The following PTPN18 variants were observed in gnomAD, a reference collection of about 807,000 sequenced individuals.
PTPN18 encodes protein tyrosine phosphatase non-receptor type 18.
Under a neutral mutation model 65.4 loss-of-function variants are expected in PTPN18, and 65 were observed. That is an observed-to-expected ratio of 0.99 (90% CI 0.81 to 1.22). PTPN18 has a LOEUF of 1.22. Among genes scored for constraint, PTPN18 ranks in the 50% most tolerant of loss-of-function variants. The pLI, the probability that PTPN18 is intolerant of heterozygous loss-of-function variation, is 0.00. For missense variants in PTPN18, 616 were observed against 646.5 expected, an observed-to-expected ratio of 0.95 and a Z score of 0.51; for synonymous variants, 255 against 267.8, an observed-to-expected ratio of 0.95 and a Z score of 0.47.
At chr2:130,362,627 G>T (rs1010459754) in intron 5 of PTPN18, among the ~76,000 whole-genome samples, 3 of 151,826 alleles carry the variant, frequency 2.0e-5, no homozygotes, top group Non-Finnish European at 4.4e-5. Context: ...TCCATGCTTT[G>T]TGCTATTGTT....
Position 130,356,137 on chromosome 2 carries a change from C to G in PTPN18, c.30C>G (p.Ser10Arg). The change falls in exon 1 of 15, where the codon AGC (serine) becomes AGG (arginine). Residue 10 changes from serine (S) to arginine (R), a missense_variant. Physicochemically the swap from Ser to Arg is moderately radical, Grantham distance 110. This residue lies in a region of PTPN18 where 223 missense variants were observed against 210.0 expected (regional missense o/e 1.06). Coordinates refer to ENST00000175756, the MANE Select transcript of PTPN18 (RefSeq NM_014369.4). MSRSLDSAR[S>R]FLERLEARGG... ...GCCGCAGCCTGGACTCGGCGCGGAG[C>G]TTCCTGGAGCGGCTGGAAGCGCGGG... 7.6e-7 allele frequency: 1 copy of G among 1,310,466 alleles called. No homozygotes were observed. Among genetic ancestry groups the G allele is most frequent in the Non-Finnish European group, 9.7e-7 (1 of 1,033,220 alleles). 81.2% of individuals were successfully genotyped at this position (1,310,466 alleles called of 1,614,324 possible).
At chr2:130,361,987 G>A (rs1283910991) in intron 5 of PTPN18, among the ~76,000 whole-genome samples, 2 of 149,002 alleles carry the variant, frequency 1.3e-5, no homozygotes, top group African/African-American at 5.1e-5. Context: ...GTGGTGTATT[G>A]TAGGGACTTT....
chr2:130,358,149 G>A (rs368547989), intron 1 of PTPN18, among the ~76,000 whole-genome samples: 1 of 152,158 alleles, frequency 6.6e-6, no homozygotes, highest in East Asian at 1.9e-4. Flanking sequence ...GAATCACTGC[G>A]CTCTTCTAGG....
chr2:130,372,789 C>G, intron 13 of PTPN18, 84 bp from the exon 14 acceptor site: 1 of 1,517,946 alleles, frequency 6.6e-7, no homozygotes, highest in South Asian at 1.1e-5. Flanking sequence ...TTCGGGCCTC[C>G]GGGGAAGCGT....
chr2:130,365,872 G>T (rs963161521), intron 5 of PTPN18, among the ~76,000 whole-genome samples: 1 of 152,156 alleles, frequency 6.6e-6, no homozygotes, highest in East Asian at 1.9e-4. Flanking sequence ...AAAATTAATT[G>T]GCCATAAATA....
In PTPN18 at chr2:130,370,688, TTGTC is replaced by T. The variant is rs750239416; in HGVS notation, c.757-10_757-7del. ...TGACCACGTGTCCTGCTCAAGTGCCTTGTCTGTCTGCCCCAGATGATCCCACCTG... is the reference window on the plus strand; with the variant it reads ...TGACCACGTGTCCTGCTCAAGTGCCTTGTCTGCCCCAGATGATCCCACCTG... On this transcript the variant is annotated splice_polypyrimidine_tract_variant and intron_variant, in intron 9 of 14. Coordinates refer to ENST00000175756, the MANE Select transcript of PTPN18 (RefSeq NM_014369.4). 6 of 1,614,152 alleles carry T rather than the reference TTGTC, an allele frequency of 3.7e-6. No homozygotes were observed. In the East Asian group the frequency reaches 1.1e-4, roughly 30 times the overall value.
In PTPN18 at chr2:130,356,147, C is replaced by A. The variant is rs937894840; in HGVS notation, c.40C>A (p.Arg14=). ...SLDSARSFLE[R]LEARGGREGA... The stretch of plus-strand genomic sequence containing the variant: ...GGACTCGGCGCGGAGCTTCCTGGAG[C>A]GGCTGGAAGCGCGGGGCGGCCGGGA... The change falls in exon 1 of 15, where the codon CGG becomes AGG. Residue 14 remains arginine, a synonymous_variant. Coordinates refer to ENST00000175756, the MANE Select transcript of PTPN18 (RefSeq NM_014369.4). The A allele has an allele frequency of 9.9e-6, 13 of 1,311,500 alleles. No individual in the cohort carries two copies. The Admixed American group carries it at 3.3e-4, about 33-fold the overall frequency. 81.2% of individuals were successfully genotyped at this position (1,311,500 alleles called of 1,614,324 possible).
chr2:130,356,522 G>A, intron 1 of PTPN18: 1 of 512,330 alleles, frequency 2.0e-6, no homozygotes, highest in Non-Finnish European at 3.9e-6. Flanking sequence ...CGCCGCAGGG[G>A]AGGGCGGGCG....
At chr2:130,356,450 T>C in intron 1 of PTPN18, 1 of 499,996 alleles carries the variant, frequency 2.0e-6, no homozygotes, top group South Asian at 1.9e-5. Flanking sequence ...CACACCCTCG[T>C]TCCCGGTGTC....
Position 130,373,065 on chromosome 2 carries a change from A to T in PTPN18, c.1316-92A>T. 1 of 1,539,608 alleles carries T rather than the reference A, an allele frequency of 6.5e-7. No homozygotes were observed. The highest frequency in any genetic ancestry group is 8.9e-7 in the Non-Finnish European group (1 of 1,124,036). On this transcript the variant is annotated intron_variant, in intron 14 of 14. Transcript: ENST00000175756. This position sits in a 1 kb window ranked among gnomAD's most constrained non-coding sequence, Gnocchi z 4.1. ...GATGTGGCTGCAGTGAACCAGGAGG[A>T]CCTGGAGGCGGGGGGATGGCCTTCT...
At chr2:130,356,667 G>A (rs181457770) in intron 1 of PTPN18, 224 of 464,230 alleles carry the variant, frequency 4.8e-4, no homozygotes, top group African/African-American at 4.2e-3. Flanking sequence ...TGTGAACGCC[G>A]GGCTCGAATC....
In PTPN18 at chr2:130,359,124, G is replaced by A. The variant is rs960686194; in HGVS notation, c.203-109G>A. The A allele has an allele frequency of 3.3e-6, 5 of 1,494,266 alleles. No homozygotes were observed. The African/African-American group carries it at 5.5e-5, about 17-fold the overall frequency. The allele number at this position is 1,494,266 out of a possible 1,614,324, so 92.6% of individuals were successfully genotyped here. A position where few individuals can be genotyped will look rare whatever the true frequency, so the allele number is the denominator to read the frequency against. On this transcript the variant is annotated intron_variant, in intron 2 of 14. Transcript: ENST00000175756. ...GCAGCCCACAAGGGCACCTTGGTGG[G>A]ATCTCTGCATGTGTGTGGTCCCCTG...
At chr2:130,363,124 C>T (rs1680274093) in intron 5 of PTPN18, among the ~76,000 whole-genome samples, 1 of 149,884 alleles carries the variant, frequency 6.7e-6, no homozygotes, top group African/African-American at 2.4e-5. Flanking sequence ...CGGCCTACCA[C>T]AATAAGTTTT....
rs780307824 is a variant in PTPN18, at chr2:130,370,901, G to A, written c.861G>A (p.Thr287=). 28 of 1,613,906 alleles carry A rather than the reference G, an allele frequency of 1.7e-5. No individual in the cohort carries two copies. The highest frequency in any genetic ancestry group is 6.7e-5 in the Admixed American group (4 of 59,972). The change falls in exon 11 of 15, where the codon ACG becomes ACA. Residue 287 remains threonine (T), a synonymous_variant. Transcript: ENST00000175756. ...AGCAGTACAGGTTCCTGTACCACAC[G>A]GTGGCTCAGATGTTCTGCTCCACAC... The part of the protein sequence containing the change: ...TEEQYRFLYH[T]VAQMFCSTLQ...
At chr2:130,368,227 C>A (rs780702631) in intron 5 of PTPN18, among the ~76,000 whole-genome samples, 8 of 152,094 alleles carry the variant, frequency 5.3e-5, no homozygotes, top group Non-Finnish European at 1.2e-4. Context: ...TAATTTTTCT[C>A]CTGGTTATGG....
In PTPN18 at chr2:130,371,256, G is replaced by A. The variant is rs144167090; in HGVS notation, c.982G>A (p.Ala328Thr). The A allele has an allele frequency of 1.1e-5, 18 of 1,607,992 alleles. No individual in the cohort carries two copies. The highest frequency in any genetic ancestry group is 4.0e-5 in the African/African-American group (3 of 74,774). Residue 328 changes from alanine (A) to threonine (T), a missense_variant, in exon 12 of 15, where the codon GCC becomes ACC. Physicochemically the swap from Ala to Thr is moderately conservative, Grantham distance 58. Transcript: ENST00000175756. ...CCTCCGGACTCCCCAGGCACTTCTC[G>A]CCATACCCCGCCCACCAGGAGGGGT... Reference protein sequence around the residue: ...LFLRTPQALLAIPRPPGGVLR... With the variant: ...LFLRTPQALLTIPRPPGGVLR...
Position 130,371,183 on chromosome 2 carries a change from T to C in PTPN18, c.925-16T>C. The C allele has an allele frequency of 6.3e-7, 1 of 1,585,532 alleles. No individual in the cohort carries two copies. The highest frequency in any genetic ancestry group is 8.6e-7 in the Non-Finnish European group (1 of 1,157,096). On this transcript the variant is annotated splice_polypyrimidine_tract_variant and intron_variant, in intron 11 of 14. Transcript: ENST00000175756. ...AGCTTCCTCCCTCAGGAGCCTCCCC[T>C]CCTGTTTTTCTTCAGAATTGTGCCC...
chr2:130,356,649 G>A (rs1679979865), intron 1 of PTPN18: 2 of 470,180 alleles, frequency 4.3e-6, no homozygotes, highest in African/African-American at 4.0e-5. Context: ...GCTGTGGCGT[G>A]GTGAGGGTGT....
chr2:130,372,442 G>A lies in PTPN18; in HGVS notation c.1199G>A (p.Gly400Glu). The A allele has an allele frequency of 1.5e-6, 2 of 1,369,276 alleles. No individual in the cohort carries two copies. Among genetic ancestry groups the A allele is most frequent in the Non-Finnish European group, 1.9e-6 (2 of 1,068,428 alleles). The allele number at this position is 1,369,276 out of a possible 1,614,324, so 84.8% of individuals were successfully genotyped here. Residue 400 changes from glycine to glutamate, a missense_variant, in exon 13 of 15, where the codon GGG becomes GAG. Physicochemically the swap from Gly to Glu is moderately conservative, Grantham distance 98. Transcript: ENST00000175756. ...SKVTPRAQRP[G>E]AHAEDARGTL... ...GTGACGCCGCGCGCCCAGCGACCCG[G>A]GGCGCACGCGGAGGACGCGAGGGGG...
Sources: allele counts gnomAD v4.1 joint callset (sites outside exome capture counted in the v4.1 genomes callset), GRCh38; gene constraint gnomAD v4.1.1; regional missense constraint gnomAD v4.1.1; non-coding constraint Gnocchi (gnomAD v3.1); transcripts MANE v1.5; gene names NCBI Gene and HGNC (gene_info 2026-07-23, HGNC 2026-07-21).